The following RBFOX1 variants were observed in gnomAD, a reference collection of about 807,000 sequenced individuals.
The protein encoded by RBFOX1 is RNA binding fox-1 homolog 1.
A neutral mutation model predicts 57.7 loss-of-function variants in RBFOX1; 8 were observed. That is an observed-to-expected ratio of 0.14 (90% CI 0.08 to 0.25). The LOEUF (loss-of-function observed/expected upper bound fraction) is 0.25. Among genes scored for constraint, RBFOX1 ranks in the 10% least tolerant of loss-of-function variants. RBFOX1 has a pLI of 1.00. For synonymous variants in RBFOX1, 326 were observed against 222.4 expected (o/e 1.47, Z -4.15); for missense variants, 611 against 548.5 (o/e 1.11, Z -1.14).
At chr16:6,417,854 A>G (rs1375449958) in intron 2 of RBFOX1, among the ~76,000 whole-genome samples, 1 of 151,998 alleles carries the variant, frequency 6.6e-6, no homozygotes, top group Admixed American at 6.6e-5. Flanking sequence ...TGATTTACAC[A>G]TGTAAATCAT....
chr16:7,219,904 C>T (rs2092592039), intron 4 of RBFOX1, among the ~76,000 whole-genome samples: 1 of 152,066 alleles, frequency 6.6e-6, no homozygotes, highest in African/African-American at 2.4e-5. Context: ...TCTGTTGGAT[C>T]AAAAAATAGA....
At chr16:6,545,590 A>G (rs2096883719) in intron 2 of RBFOX1, among the ~76,000 whole-genome samples, 1 of 152,202 alleles carries the variant, frequency 6.6e-6, no homozygotes, top group South Asian at 2.1e-4. Flanking sequence ...AACCCCTCCG[A>G]TAACTACTCT....
At position 5,666,324 on chromosome 16, in the gene RBFOX1, A is replaced by G. The variant is rs933481184; in HGVS notation, c.318+67363A>G. The stretch of plus-strand genomic sequence containing the variant: ...CTTTTCTTCAACATTGGTACTCGTG[A>G]AGCAATGTGAAGGTCTTACAATTCC... On this transcript the variant is annotated intron_variant, in intron 3 of 19. Transcript: ENST00000641259. Among the ~76,000 whole-genome samples, 20 of 152,178 alleles carry G rather than the reference A, an allele frequency of 1.3e-4. 1 individual carries two copies. Among genetic ancestry groups the G allele is most frequent in the Admixed American group, 1.2e-3 (18 of 15,290 alleles).
intron 4 of RBFOX1, among the ~76,000 whole-genome samples, chr16:7,294,259 A>G (rs1233664407): frequency 1.3e-5 from 2 of 152,044 alleles, no homozygotes; most frequent in African/African-American, 4.8e-5. Context: ...ACTTACATTC[A>G]GTCCTGTGCA....
chr16:7,197,627 A>G (rs957184001), intron 4 of RBFOX1, among the ~76,000 whole-genome samples: 4 of 152,180 alleles, frequency 2.6e-5, no homozygotes, highest in African/African-American at 7.2e-5. Flanking sequence ...GTGTACAGAA[A>G]TGTTCATCAC....
intron 2 of RBFOX1, among the ~76,000 whole-genome samples, chr16:6,370,226 C>T (rs867278746): frequency 1.1e-4 from 16 of 151,544 alleles, no homozygotes; most frequent in Middle Eastern, 6.8e-3. Flanking sequence ...GGCGGGGTGG[C>T]GGGCGGCTGT....
chr16:5,757,529 C>T (rs896049841), intron 3 of RBFOX1, among the ~76,000 whole-genome samples: 1 of 152,002 alleles, frequency 6.6e-6, no homozygotes, highest in Admixed American at 6.6e-5. Context: ...CACACCCAGC[C>T]GGGTGGGAAG....
chr16:7,089,867 T>G (rs1334100882), intron 4 of RBFOX1, among the ~76,000 whole-genome samples: 1 of 151,712 alleles, frequency 6.6e-6, no homozygotes, highest in Non-Finnish European at 1.5e-5. Context: ...TTTCCTGTGC[T>G]CAAGTATTCT....
chr16:5,964,967 G>C (rs2059816188), intron 4 of RBFOX1, among the ~76,000 whole-genome samples: 2 of 152,080 alleles, frequency 1.3e-5, no homozygotes, highest in Non-Finnish European at 2.9e-5. Context: ...TTAAAAAGGA[G>C]TTTTTCTATT....
chr16:7,213,203 A>G (rs12148922), intron 4 of RBFOX1, among the ~76,000 whole-genome samples: 39,456 of 152,104 alleles, frequency 0.26, 5,751 homozygotes, highest in Middle Eastern at 0.39. Flanking sequence ...ATTACACGGA[A>G]CAATATCTGG....
chr16:5,687,869 C>T (rs1324586513), intron 3 of RBFOX1, among the ~76,000 whole-genome samples: 2 of 152,120 alleles, frequency 1.3e-5, no homozygotes, highest in Non-Finnish European at 2.9e-5. Flanking sequence ...GGTTGGCATC[C>T]CCTGTGTACC....
intron 4 of RBFOX1, among the ~76,000 whole-genome samples, chr16:7,196,351 C>T (rs1413025284): frequency 2.0e-5 from 3 of 152,056 alleles, no homozygotes; most frequent in African/African-American, 7.2e-5. Context: ...CTTTTCCTAC[C>T]CACCCTGCTT....
intron 3 of RBFOX1, among the ~76,000 whole-genome samples, chr16:6,828,398 C>G (rs1381056029): frequency 1.3e-5 from 2 of 151,984 alleles, no homozygotes; most frequent in East Asian, 3.9e-4. Context: ...GTGACACAGG[C>G]CTTTAGACCC....
intron 4 of RBFOX1, among the ~76,000 whole-genome samples, chr16:7,137,044 G>T (rs547809197): frequency 5.9e-5 from 9 of 152,268 alleles, no homozygotes; most frequent in African/African-American, 1.9e-4. Context: ...GTTCCTATTT[G>T]TATCACCAAA....
At chr16:7,032,389 G>T (rs563925469) in intron 3 of RBFOX1, among the ~76,000 whole-genome samples, 1 of 152,192 alleles carries the variant, frequency 6.6e-6, no homozygotes, top group African/African-American at 2.4e-5. Flanking sequence ...AGGTTGCAGT[G>T]AGCTGAGATC....
intron 3 of RBFOX1, among the ~76,000 whole-genome samples, chr16:6,813,823 G>A (rs557200366): frequency 6.6e-6 from 1 of 152,240 alleles, no homozygotes; most frequent in East Asian, 1.9e-4. Flanking sequence ...AAGGGAGGAG[G>A]CGCTGTTGAT....
In RBFOX1 at chr16:5,809,577, C is replaced by T. The variant is rs550927628; in HGVS notation, c.319-57726C>T. Among the ~76,000 whole-genome samples the T allele has an allele frequency of 2.0e-5, 3 of 152,316 alleles. No individual in the cohort carries two copies. The East Asian group carries it at 5.8e-4, about 29-fold the overall frequency. Reference sequence around the variant, plus strand: ...AGCCAAAAAAACACATGAAAAAATGCTCACCATCACGGGCCATCAGAGAAA... The same window carrying T: ...AGCCAAAAAAACACATGAAAAAATGTTCACCATCACGGGCCATCAGAGAAA... On this transcript the variant is annotated intron_variant, in intron 3 of 19. Transcript: ENST00000641259.
intron 3 of RBFOX1, among the ~76,000 whole-genome samples, chr16:5,749,816 C>T (rs2053125722): frequency 6.6e-6 from 1 of 152,156 alleles, no homozygotes; most frequent in Non-Finnish European, 1.5e-5. Flanking sequence ...TTCGAACTTC[C>T]TCCGTTAGTT....
chr16:6,774,403 C>A (rs575364375), intron 3 of RBFOX1, among the ~76,000 whole-genome samples: 1 of 152,148 alleles, frequency 6.6e-6, no homozygotes, highest in South Asian at 2.1e-4. Flanking sequence ...GTTATGATCA[C>A]AATTTCTAAA....
Sources: allele counts gnomAD v4.1 joint callset (sites outside exome capture counted in the v4.1 genomes callset), GRCh38; gene constraint gnomAD v4.1.1; transcripts MANE v1.5; gene names NCBI Gene and HGNC (gene_info 2026-07-23, HGNC 2026-07-21).